Variants in TXLNB observed in about 807,000 individuals in gnomAD.
The protein encoded by TXLNB is taxilin beta, also known as beta-taxilin.
Under a neutral mutation model 57.4 loss-of-function variants are expected in TXLNB, and 37 were observed. The ratio of observed to expected loss-of-function variants is 0.64; its 90% CI spans 0.50 to 0.85. The LOEUF (loss-of-function observed/expected upper bound fraction) is 0.85. Among genes scored for constraint, TXLNB ranks in the 40% least tolerant of loss-of-function variants. The pLI, the probability that TXLNB is intolerant of heterozygous loss-of-function variation, is 0.00. For missense variants in TXLNB, 848 were observed against 825.6 expected (o/e 1.03, Z -0.33); for synonymous variants, 302 against 309.6 (o/e 0.98, Z 0.26).
Position 139,270,502 on chromosome 6 carries a change from A to G in TXLNB, c.641T>C (p.Leu214Ser), listed in dbSNP as rs1776732434. ...HSRAILARSKLESLCRELQRH... is the reference protein window; with the variant it reads ...HSRAILARSKSESLCRELQRH... ...CTGCAGCTCCCGGCACAGACTCTCC[A>G]ATTTGCTTCGAGCGAGGATAGCTCT... The change falls in exon 4 of 10, where the codon TTG (leucine) becomes TCG (serine). Residue 214 changes from leucine to serine, a missense_variant. By Grantham distance (145) the Leu-to-Ser change is moderately radical. Transcript: ENST00000358430. The G allele has an allele frequency of 6.2e-7, 1 of 1,614,160 alleles. No individual in the cohort carries two copies. Among genetic ancestry groups the G allele is most frequent in the East Asian group, 2.2e-5 (1 of 44,882 alleles).
the TXLNB span, among the ~76,000 whole-genome samples, chr6:139,183,902 A>G: frequency 6.7e-6 from 1 of 148,402 alleles, no homozygotes; most frequent in African/African-American, 2.6e-5. Flanking sequence ...ATAATCACTA[A>G]GCCTGTCAGA....
chr6:139,251,649 C>G (rs907627203), intron 7 of TXLNB: 2 of 152,246 alleles, frequency 1.3e-5, no homozygotes, highest in African/African-American at 4.8e-5. Flanking sequence ...TAGAAACAAA[C>G]TCTTCTATGA....
At position 139,242,445 on chromosome 6, in the gene TXLNB, C is replaced by T; in HGVS notation, c.*81G>A. ...TCTCTTCCATTTGACATCTCTAGCC[C>T]TTAATGCCTTTTTCGGAAGACAAGC... is the stretch of plus-strand genomic sequence containing the variant. On this transcript the variant is annotated 3_prime_UTR_variant, in exon 10 of 10. Coordinates refer to ENST00000358430, the MANE Select transcript of TXLNB (RefSeq NM_153235.4). 1.6e-6 allele frequency: 2 copies of T among 1,276,026 alleles called. No individual in the cohort carries two copies. Among genetic ancestry groups the T allele is most frequent in the Non-Finnish European group, 2.1e-6 (2 of 959,484 alleles). The allele number at this position is 1,276,026 out of a possible 1,614,324, so 79.0% of individuals were successfully genotyped here.
chr6:139,215,594 A>G, the TXLNB span, among the ~76,000 whole-genome samples: 14 of 152,218 alleles, frequency 9.2e-5, no homozygotes, highest in Non-Finnish European at 1.8e-4. Context: ...AAACACCAAA[A>G]GCAATGGCAA....
intron 3 of TXLNB, among the ~76,000 whole-genome samples, chr6:139,272,784 A>C (rs1252526933): frequency 6.6e-6 from 1 of 152,240 alleles, no homozygotes; most frequent in African/African-American, 2.4e-5. Context: ...CTGTAATCCC[A>C]GCACTCTGGG....
the TXLNB span, among the ~76,000 whole-genome samples, chr6:139,301,496 T>C: frequency 6.6e-6 from 1 of 152,178 alleles, no homozygotes; most frequent in African/African-American, 2.4e-5. Flanking sequence ...TAAACCTCCA[T>C]ATATCTTTCC....
At chr6:139,189,509 T>A in the TXLNB span, among the ~76,000 whole-genome samples, 1 of 152,354 alleles carries the variant, frequency 6.6e-6, no homozygotes, top group African/African-American at 2.4e-5. Flanking sequence ...ATTAACAAGA[T>A]ATTAATTATG....
the TXLNB span, among the ~76,000 whole-genome samples, chr6:139,224,722 C>G: frequency 6.6e-6 from 1 of 151,380 alleles, no homozygotes; most frequent in Non-Finnish European, 1.5e-5. Flanking sequence ...AAAATTAAAT[C>G]CACAATTTAA....
intron 8 of TXLNB, among the ~76,000 whole-genome samples, chr6:139,247,449 TG>T (rs1776091475): frequency 2.0e-5 from 3 of 151,560 alleles, no homozygotes; most frequent in African/African-American, 7.3e-5. Flanking sequence ...CAAAAGTTTT[TG>T]TTTTTTTTTT....
chr6:139,193,840 A>ATATATATAT, the TXLNB span, among the ~76,000 whole-genome samples: 119 of 85,216 alleles, frequency 1.4e-3, no homozygotes, highest in Non-Finnish European at 1.8e-3. Context: ...ATATATATAT[A>ATATATATAT]TTTTTTTTTT....
chr6:139,316,148 G>A, the TXLNB span, among the ~76,000 whole-genome samples: 1 of 152,130 alleles, frequency 6.6e-6, no homozygotes, highest in Non-Finnish European at 1.5e-5. Context: ...GGTTATATCG[G>A]CCTAAGCCCT....
chr6:139,180,625 G>A, the TXLNB span: 1 of 152,576 alleles, frequency 6.6e-6, no homozygotes, highest in Non-Finnish European at 1.5e-5. Flanking sequence ...ATAAATTCTT[G>A]TCAGTAAAGA....
the TXLNB span, among the ~76,000 whole-genome samples, chr6:139,176,661 AG>A: frequency 6.6e-6 from 1 of 152,174 alleles, no homozygotes; most frequent in Non-Finnish European, 1.5e-5. The surrounding 1 kb of genome is among the most constrained non-coding windows in gnomAD (Gnocchi z 4.5). Context: ...CTTAAAATCC[AG>A]GGGGAGGGGT....
chr6:139,268,589 A>G (rs571211384), intron 4 of TXLNB, among the ~76,000 whole-genome samples: 4 of 152,344 alleles, frequency 2.6e-5, no homozygotes, highest in African/African-American at 9.6e-5. Context: ...TCAAATATTG[A>G]TTTTGACATT....
chr6:139,171,646 G>C, the TXLNB span, among the ~76,000 whole-genome samples: 9 of 148,842 alleles, frequency 6.0e-5, 1 homozygote, highest in East Asian at 2.0e-4. Context: ...CTTTTTTTTT[G>C]AGTATCTCAG....
intron 2 of TXLNB, among the ~76,000 whole-genome samples, chr6:139,281,098 T>C (rs750932534): frequency 6.6e-5 from 10 of 152,248 alleles, no homozygotes; most frequent in Non-Finnish European, 1.3e-4. Flanking sequence ...GTGTGTGGAC[T>C]CTCAAACTCT....
chr6:139,229,480 G>T, the TXLNB span, among the ~76,000 whole-genome samples: 3 of 151,998 alleles, frequency 2.0e-5, no homozygotes, highest in Admixed American at 1.3e-4. Context: ...CTGCCACCAC[G>T]CCCGGCTAAT....
At chr6:139,175,793 T>G in the TXLNB span, among the ~76,000 whole-genome samples, 1 of 152,222 alleles carries the variant, frequency 6.6e-6, no homozygotes, top group Non-Finnish European at 1.5e-5. Context: ...TCCATGTCTT[T>G]AGGAGGAAAA....
At chr6:139,206,776 A>G in the TXLNB span, among the ~76,000 whole-genome samples, 1 of 152,220 alleles carries the variant, frequency 6.6e-6, no homozygotes, top group Non-Finnish European at 1.5e-5. Flanking sequence ...AAGACCTCAC[A>G]TAGACTTAAG....
Sources: allele counts gnomAD v4.1 joint callset (sites outside exome capture counted in the v4.1 genomes callset), GRCh38; gene constraint gnomAD v4.1.1; non-coding constraint Gnocchi (gnomAD v3.1); transcripts MANE v1.5; gene names NCBI Gene and HGNC (gene_info 2026-07-23, HGNC 2026-07-21).